Variants in COL28A1 observed in about 807,000 individuals in gnomAD.
COL28A1 encodes the protein collagen type XXVIII alpha 1 chain, also known as collagen alpha-1(XXVIII) chain.
A neutral mutation model predicts 150.2 loss-of-function variants in COL28A1; 161 were observed. The observed-to-expected ratio is 1.07, with a 90% CI of 0.94 to 1.22. The LOEUF (loss-of-function observed/expected upper bound fraction) is 1.22. COL28A1 is among the 50% of genes most tolerant of loss of function. The pLI is 0.00. For synonymous variants in COL28A1, 552 were observed against 469.7 expected (o/e 1.18, Z -2.26); for missense variants, 1,617 against 1,388.3 (o/e 1.16, Z -2.62).
At chr7:7,371,187 C>T (rs544070271) in intron 32 of COL28A1, among the ~76,000 whole-genome samples, 3 of 152,308 alleles carry the variant, frequency 2.0e-5, no homozygotes, top group East Asian at 1.9e-4. Context: ...TTGGCAGCTA[C>T]CTCTGGTTTT....
At chr7:7,483,183 A>T (rs1029825452) in intron 13 of COL28A1, among the ~76,000 whole-genome samples, 5 of 152,188 alleles carry the variant, frequency 3.3e-5, no homozygotes, top group South Asian at 2.1e-4. Flanking sequence ...TACTGAATGC[A>T]TTGCGTTTGC....
chr7:7,447,144 G>C (rs2128325619), intron 18 of COL28A1, among the ~76,000 whole-genome samples: 1 of 152,248 alleles, frequency 6.6e-6, no homozygotes, highest in African/African-American at 2.4e-5. Context: ...TGTTGCTGTA[G>C]TCTTACCTAA....
intron 33 of COL28A1, among the ~76,000 whole-genome samples, chr7:7,367,815 T>TAAA (rs34049695): frequency 3.5e-5 from 5 of 142,776 alleles, no homozygotes; most frequent in Admixed American, 3.5e-4. Flanking sequence ...TATTTTCCTT[T>TAAA]AAAAAAAAAA....
intron 25 of COL28A1, among the ~76,000 whole-genome samples, chr7:7,422,054 AGT>A (rs1219532257): frequency 6.6e-6 from 1 of 152,172 alleles, no homozygotes; most frequent in East Asian, 1.9e-4. Context: ...TCAAAGGGAG[AGT>A]GTGTAAGTTC....
chr7:7,434,187 T>C (rs947256314), intron 23 of COL28A1, among the ~76,000 whole-genome samples: 2 of 152,214 alleles, frequency 1.3e-5, no homozygotes, highest in African/African-American at 4.8e-5. Context: ...TTAGGAAATA[T>C]GTGGCCACTT....
At chr7:7,374,075 C>T (rs555347351) in intron 31 of COL28A1, among the ~76,000 whole-genome samples, 10 of 133,974 alleles carry the variant, frequency 7.5e-5, no homozygotes, top group Non-Finnish European at 1.3e-4. Context: ...GGAAAAACAC[C>T]GTAGTTGATA....
chr7:7,347,356 TTTC>T, the COL28A1 span, among the ~76,000 whole-genome samples: 1 of 152,250 alleles, frequency 6.6e-6, no homozygotes, highest in East Asian at 1.9e-4. Flanking sequence ...AACATAGCTC[TTTC>T]TTCTTATGTC....
At position 7,523,458 on chromosome 7, in the gene COL28A1, G is replaced by GA. The variant is rs1781852474; in HGVS notation, c.702+770_702+771insT. On this transcript the variant is annotated intron_variant, in intron 4 of 34. Coordinates refer to ENST00000399429, the MANE Select transcript of COL28A1 (RefSeq NM_001037763.3). ...CAGGCGTGAGCGACCATGCCTGGCC[G>GA]TTTTTTTTTTCCTTTCTTAATGGTA... Among the ~76,000 whole-genome samples, 3 of 147,638 alleles carry GA rather than the reference G, an allele frequency of 2.0e-5. No homozygotes were observed. In the South Asian group the frequency reaches 6.5e-4, roughly 32 times the overall value.
At chr7:7,495,075 A>G (rs1780132252) in intron 11 of COL28A1, among the ~76,000 whole-genome samples, 1 of 152,228 alleles carries the variant, frequency 6.6e-6, no homozygotes, top group African/African-American at 2.4e-5. Flanking sequence ...GTAGACAGCG[A>G]GCCACATTTG....
At chr7:7,446,257 C>T (rs1458870743) in intron 18 of COL28A1, among the ~76,000 whole-genome samples, 1 of 151,694 alleles carries the variant, frequency 6.6e-6, no homozygotes, top group Non-Finnish European at 1.5e-5. Context: ...TATCAATAAA[C>T]AATATCAAAA....
intron 27 of COL28A1, among the ~76,000 whole-genome samples, chr7:7,392,046 A>G (rs1294644): frequency 0.76 from 115,009 of 152,066 alleles, 43,635 homozygotes; most frequent in East Asian, 0.88. Flanking sequence ...TATTTTGCTC[A>G]TTAGTTGATG....
At chr7:7,347,718 G>A in the COL28A1 span, among the ~76,000 whole-genome samples, 2 of 152,068 alleles carry the variant, frequency 1.3e-5, no homozygotes, top group Non-Finnish European at 2.9e-5. Flanking sequence ...ACTGCCATGT[G>A]GAGAAGAGAC....
At chr7:7,410,755 A>G (rs766191522) in intron 27 of COL28A1, among the ~76,000 whole-genome samples, 6 of 152,264 alleles carry the variant, frequency 3.9e-5, no homozygotes, top group Non-Finnish European at 7.3e-5. Context: ...TCTCTTCATA[A>G]TTAACACCAT....
chr7:7,430,357 C>T (rs1784894290), intron 25 of COL28A1, among the ~76,000 whole-genome samples: 1 of 152,106 alleles, frequency 6.6e-6, no homozygotes, highest in African/African-American at 2.4e-5. Context: ...AAACTCCTGA[C>T]CTCAGGTGAT....
chr7:7,503,202 G>C (rs988618917), intron 11 of COL28A1, among the ~76,000 whole-genome samples: 3 of 152,166 alleles, frequency 2.0e-5, no homozygotes, highest in Non-Finnish European at 4.4e-5. Flanking sequence ...GAGCAGACTT[G>C]TGGGTTTCAA....
intron 27 of COL28A1, among the ~76,000 whole-genome samples, chr7:7,394,455 CT>C (rs1460768093): frequency 1.3e-5 from 2 of 152,174 alleles, no homozygotes; most frequent in African/African-American, 4.8e-5. Context: ...TAATAATATT[CT>C]GCACTTTGAT....
intron 9 of COL28A1, 112 bp downstream of exon 9, chr7:7,510,979 G>A: frequency 1.2e-6 from 1 of 811,394 alleles, no homozygotes; most frequent in Non-Finnish European, 2.1e-6. Flanking sequence ...TTGAGCCATT[G>A]ATTCCAACTC....
chr7:7,376,007 T>C (rs1023702312), intron 30 of COL28A1, among the ~76,000 whole-genome samples: 3 of 152,196 alleles, frequency 2.0e-5, no homozygotes, highest in African/African-American at 7.2e-5. Context: ...TTTCAAGTCC[T>C]CTCTTCAGCT....
At chr7:7,508,136 G>T (rs1351429202) in intron 9 of COL28A1, among the ~76,000 whole-genome samples, 1 of 152,014 alleles carries the variant, frequency 6.6e-6, no homozygotes, top group Admixed American at 6.5e-5. Context: ...GGAGGCTGAG[G>T]CAGGAGAATA....
Sources: gnomAD v4.1 joint callset for allele counts (sites outside exome capture counted in the v4.1 genomes callset) on GRCh38, gnomAD v4.1.1 for gene constraint, MANE v1.5 for transcripts, NCBI Gene and HGNC (gene_info 2026-07-23, HGNC 2026-07-21) for gene names.